The following MYH7B variants were observed in gnomAD, a reference collection of about 807,000 sequenced individuals.
MYH7B encodes the protein myosin-7B.
MYH7B carries 205 observed loss-of-function variants against 234.5 expected under a neutral mutation model. The ratio of observed to expected loss-of-function variants is 0.87; its 90% confidence interval spans 0.78 to 0.98. The LOEUF is 0.98. Ranked by LOEUF, MYH7B falls within the 50% of genes least tolerant of loss-of-function variation. MYH7B has a pLI of 0.00. For missense variants in MYH7B, 2,652 were observed against 2,633.4 expected, an observed-to-expected ratio of 1.01 and a Z score of -0.15; for synonymous variants, 1,193 against 1,105.0, an observed-to-expected ratio of 1.08 and a Z score of -1.58.
At position 34,998,281 on chromosome 20, in the gene MYH7B, A is replaced by G. The variant is rs2147235647; in HGVS notation, c.3748-14A>G. 2 of 1,613,136 alleles carry G rather than the reference A, an allele frequency of 1.2e-6. No homozygotes were observed. The highest frequency in any genetic ancestry group is 2.2e-5 in the East Asian group (1 of 44,872). ...TCTAACTCCTGACCCCTGACTCCCA[A>G]CCTGGGATCCTAGGCCAGTGCAGAG... On this transcript the variant is annotated splice_polypyrimidine_tract_variant and intron_variant, in intron 32 of 44. Transcript: ENST00000262873.
intron 29 of MYH7B, 45 bp from the exon 30 acceptor site, chr20:34,996,568 G>A (rs748523586): frequency 3.5e-5 from 56 of 1,599,798 alleles, no homozygotes; most frequent in Non-Finnish European, 4.4e-5. Flanking sequence ...CCGGGGTGCC[G>A]GCTGGCTTGG....
At chr20:34,986,173 C>T (rs777563938) in exon 14 of MYH7B, 6 of 1,598,016 alleles carry the variant, frequency 3.8e-6, no homozygotes, top group Admixed American at 1.7e-5. Context: ...ACCAGATCCT[C>T]TCAGGGAGGA....
At chr20:34,963,997 A>G (rs1414298347) in intron 2 of MYH7B, among the ~76,000 whole-genome samples, 2 of 152,164 alleles carry the variant, frequency 1.3e-5, no homozygotes, top group South Asian at 2.1e-4. Flanking sequence ...CAGCAATTGT[A>G]TGAGAGTTTT....
At chr20:34,979,318 C>T (rs562061397) in intron 5 of MYH7B, 72 bp from the exon 6 acceptor site, 2 of 1,227,586 alleles carry the variant, frequency 1.6e-6, no homozygotes, top group South Asian at 2.8e-5. Flanking sequence ...GATACCATGG[C>T]TTGGGAACTC....
At chr20:34,996,379 G>T (rs984721041) in exon 29 of MYH7B, 1 of 1,607,584 alleles carries the variant, frequency 6.2e-7, no homozygotes, top group African/African-American at 1.3e-5. Context: ...GGCTGCGCTG[G>T]ACGAGTCAGT....
At chr20:34,988,048 C>CGG (rs754236683) in intron 18 of MYH7B, 44 bp from the exon 19 acceptor site, 1 of 1,590,956 alleles carries the variant, frequency 6.3e-7, no homozygotes, top group Non-Finnish European at 8.6e-7. Context: ...CTCCCTTTCC[C>CGG]CATCTGCGAG....
intron 2 of MYH7B, among the ~76,000 whole-genome samples, chr20:34,971,947 C>G (rs922825142): frequency 5.6e-4 from 86 of 152,292 alleles, no homozygotes; most frequent in African/African-American, 2.0e-3. Flanking sequence ...CCAGCTGCAG[C>G]TGGTGGGGCT....
At chr20:34,985,122 T>G in exon 13 of MYH7B, 3 of 1,614,050 alleles carry the variant, frequency 1.9e-6, no homozygotes, top group Non-Finnish European at 2.5e-6. Flanking sequence ...CCGCGGATAT[T>G]GACAGCTGTG....
chr20:34,965,971 C>T (rs779229404), intron 2 of MYH7B, among the ~76,000 whole-genome samples: 2 of 151,474 alleles, frequency 1.3e-5, no homozygotes, highest in Non-Finnish European at 2.9e-5. Context: ...CTATAGCCAA[C>T]ATGTTTAAAT....
At chr20:34,967,563 C>A (rs893032354) in intron 2 of MYH7B, among the ~76,000 whole-genome samples, 1 of 152,092 alleles carries the variant, frequency 6.6e-6, no homozygotes, top group African/African-American at 2.4e-5. Context: ...CAGCACCCCC[C>A]GCCCTCCACT....
intron 2 of MYH7B, among the ~76,000 whole-genome samples, chr20:34,972,501 C>G (rs2081802434): frequency 6.6e-6 from 1 of 152,096 alleles, no homozygotes. Context: ...TTCATGCTTA[C>G]CACTTGCCAC....
exon 20 of MYH7B, chr20:34,989,778 G>C (rs1442851154): frequency 6.2e-7 from 1 of 1,614,142 alleles, no homozygotes; most frequent in Admixed American, 1.7e-5. Context: ...AGGAATGCAT[G>C]TTCCCCAAGG....
chr20:34,979,992 G>A, intron 7 of MYH7B, 188 bp downstream of exon 7: 1 of 650,200 alleles, frequency 1.5e-6, no homozygotes, highest in Non-Finnish European at 2.6e-6. Context: ...CTGAGCAGTG[G>A]GGGCGGGGCT....
chr20:34,963,719 TTAAG>T (rs1447603020), intron 2 of MYH7B, among the ~76,000 whole-genome samples: 2 of 152,222 alleles, frequency 1.3e-5, no homozygotes, highest in Admixed American at 6.5e-5. Flanking sequence ...GCTCTTAAAT[TTAAG>T]TCTTTGATTC....
intron 13 of MYH7B, 71 bp downstream of exon 13, chr20:34,985,200 C>A (rs2081999330): frequency 2.1e-6 from 3 of 1,457,484 alleles, no homozygotes; most frequent in Admixed American, 3.4e-5. Context: ...CGGCCTCTGT[C>A]ATCACGACTT....
chr20:35,001,153 G>A lies in MYH7B; in HGVS notation c.5470G>A (p.Ala1824Thr), dbSNP rs772069630. 10 of 1,613,538 alleles carry A rather than the reference G, an allele frequency of 6.2e-6. No homozygotes were observed. In the East Asian group the frequency reaches 2.0e-4, roughly 32 times the overall value. The stretch of plus-strand genomic sequence containing the variant: ...GAAGAAGCAGGTGCAGAAGCTGGAG[G>A]CCAAGGTGTGTGCAGCCCCTCTAGT... The change falls in exon 41 of 45, where the codon GCC becomes ACC. Residue 1824 changes from alanine (A) to threonine (T), a missense_variant. By Grantham distance (58) the Ala-to-Thr change is moderately conservative (BLOSUM62 0). Coordinates refer to ENST00000262873, the Ensembl canonical transcript of MYH7B.
chr20:34,970,905 G>A (rs1388979877), intron 2 of MYH7B, among the ~76,000 whole-genome samples: 1 of 152,180 alleles, frequency 6.6e-6, no homozygotes, highest in African/African-American at 2.4e-5. Flanking sequence ...CAGACTGGCT[G>A]GGGGTGGGAG....
At chr20:34,983,513 G>C (rs1285755160) in intron 10 of MYH7B, among the ~76,000 whole-genome samples, 3 of 152,074 alleles carry the variant, frequency 2.0e-5, no homozygotes, top group Non-Finnish European at 4.4e-5. Context: ...AGATGTCAGG[G>C]AGAGGCCAGA....
At chr20:34,983,767 C>T (rs983913970) in intron 10 of MYH7B, among the ~76,000 whole-genome samples, 3 of 152,226 alleles carry the variant, frequency 2.0e-5, no homozygotes, top group African/African-American at 4.8e-5. Flanking sequence ...TTCCACCTCC[C>T]CTGCCCAATG....
Sources: allele counts gnomAD v4.1 joint callset (sites outside exome capture counted in the v4.1 genomes callset), GRCh38; gene constraint gnomAD v4.1.1; transcripts MANE v1.5; gene names NCBI Gene and HGNC (gene_info 2026-07-23, HGNC 2026-07-21).